MYRFL: variants seen among roughly 807,000 people sequenced by gnomAD.
MYRFL encodes the protein myelin regulatory factor-like protein.
Under a neutral mutation model 109.4 loss-of-function variants are expected in MYRFL, and 88 were observed. The ratio of observed to expected loss-of-function variants is 0.80; its 90% CI spans 0.68 to 0.96. MYRFL has a LOEUF of 0.96. Among genes scored for constraint, MYRFL ranks in the 40% least tolerant of loss-of-function variants. The pLI is 0.00. For missense variants in MYRFL, 957 were observed against 954.9 expected (o/e 1.00, Z -0.03); for synonymous variants, 324 against 320.9 (o/e 1.01, Z -0.10).
intron 2 of MYRFL, among the ~76,000 whole-genome samples, chr12:69,860,399 G>A (rs535274705): frequency 7.9e-5 from 12 of 151,988 alleles, no homozygotes; most frequent in African/African-American, 2.7e-4. Context: ...GAATAGTTTC[G>A]GCTCTCTTTT....
At chr12:69,933,914 T>C (rs1475880308) in intron 16 of MYRFL, among the ~76,000 whole-genome samples, 1 of 152,116 alleles carries the variant, frequency 6.6e-6, no homozygotes. Flanking sequence ...ACTAAGACTG[T>C]AGATGGTAGG....
At chr12:69,916,831 A>G (rs1043516811) in intron 13 of MYRFL, among the ~76,000 whole-genome samples, 3 of 152,026 alleles carry the variant, frequency 2.0e-5, no homozygotes, top group African/African-American at 7.2e-5. Flanking sequence ...AAAATATTTC[A>G]TTTTCTCAAA....
At chr12:69,958,173 C>G in intron 23 of MYRFL, 76 bp from the exon 24 acceptor site, 1 of 1,320,940 alleles carries the variant, frequency 7.6e-7, no homozygotes, top group Non-Finnish European at 1.0e-6. Context: ...TGAGGAAATG[C>G]TTTTTCAGCC....
At chr12:69,853,538 C>T (rs1240248) in intron 1 of MYRFL, among the ~76,000 whole-genome samples, 35,684 of 148,406 alleles carry the variant, frequency 0.24, 4,743 homozygotes, top group Middle Eastern at 0.38. Flanking sequence ...CAGAGGCGCT[C>T]CCCACATCTC....
chr12:69,860,994 A>C (rs961346685), intron 2 of MYRFL, among the ~76,000 whole-genome samples: 1 of 145,820 alleles, frequency 6.9e-6, no homozygotes, highest in Non-Finnish European at 1.5e-5. Flanking sequence ...GAGAATATGC[A>C]GTGTTTGGTT....
rs77062917 is a variant in MYRFL, at chr12:69,906,093, T to G, written c.1383+2249T>G. Among the ~76,000 whole-genome samples, 913 of 152,354 alleles carry G rather than the reference T, an allele frequency of 6.0e-3. 7 individuals are homozygous for G. The highest frequency in any genetic ancestry group is 0.021 in the African/African-American group (867 of 41,584). On this transcript the variant is annotated intron_variant, in intron 11 of 24. Coordinates refer to ENST00000552032, the MANE Select transcript of MYRFL (RefSeq NM_182530.3). The stretch of plus-strand genomic sequence containing the variant: ...TGCTACAAAATGTAGTGGTCAAATA[T>G]GTTACCTAATACTACAATTGGGGAA...
chr12:69,911,677 T>C (rs1192390089), intron 13 of MYRFL, among the ~76,000 whole-genome samples: 1 of 152,228 alleles, frequency 6.6e-6, no homozygotes, highest in African/African-American at 2.4e-5. Context: ...TATCTATTGA[T>C]TCTATGAAAT....
intron 10 of MYRFL, among the ~76,000 whole-genome samples, chr12:69,900,593 G>GTCCTTTTTC (rs1177047754): frequency 1.8e-4 from 27 of 152,290 alleles, no homozygotes; most frequent in Non-Finnish European, 3.1e-4. Flanking sequence ...CACCAGCAGA[G>GTCCTTTTTC]AGTATTTCTA....
intron 13 of MYRFL, among the ~76,000 whole-genome samples, chr12:69,922,246 C>T (rs760852592): frequency 6.6e-6 from 1 of 151,990 alleles, no homozygotes; most frequent in Non-Finnish European, 1.5e-5. Context: ...ATAAGGCTCT[C>T]TACAGGGTAA....
intron 13 of MYRFL, among the ~76,000 whole-genome samples, chr12:69,923,521 A>ATATC (rs1299453773): frequency 6.6e-6 from 1 of 152,102 alleles, no homozygotes; most frequent in Non-Finnish European, 1.5e-5. Context: ...TTTTATGTTT[A>ATATC]TATCTCTTTT....
At chr12:69,906,854 G>T (rs919517182) in intron 11 of MYRFL, among the ~76,000 whole-genome samples, 1 of 152,218 alleles carries the variant, frequency 6.6e-6, no homozygotes, top group African/African-American at 2.4e-5. Context: ...GGAAGGTGTT[G>T]TCTGTGATGC....
intron 11 of MYRFL, 59 bp from the exon 12 acceptor site, chr12:69,909,910 A>G: frequency 1.7e-6 from 2 of 1,200,640 alleles, no homozygotes; most frequent in Non-Finnish European, 2.3e-6. Context: ...CACTCTGGGC[A>G]TTAATTTGAA....
intron 13 of MYRFL, among the ~76,000 whole-genome samples, chr12:69,920,932 A>C (rs1169298063): frequency 6.6e-6 from 1 of 152,232 alleles, no homozygotes; most frequent in Non-Finnish European, 1.5e-5. Context: ...TCAAACAGTG[A>C]GTAAAAGTTT....
intron 2 of MYRFL, among the ~76,000 whole-genome samples, chr12:69,864,636 T>TAC (rs889705175): frequency 9.3e-4 from 73 of 78,396 alleles, no homozygotes; most frequent in African/African-American, 3.3e-3. Context: ...TCAAGGAAGT[T>TAC]ACACACACAC....
chr12:69,890,021 A>G (rs1886702962), intron 6 of MYRFL, among the ~76,000 whole-genome samples: 1 of 152,184 alleles, frequency 6.6e-6, no homozygotes, highest in Admixed American at 6.5e-5. Context: ...CTTTCTGCAG[A>G]AGTAACCACC....
chr12:69,853,768 C>T lies in MYRFL; in HGVS notation c.47-1512C>T, dbSNP rs1172955764. Among the ~76,000 whole-genome samples, 4 of 149,714 alleles carry T rather than the reference C, an allele frequency of 2.7e-5. No individual in the cohort carries two copies. In the East Asian group the frequency reaches 8.1e-4, roughly 30 times the overall value. On this transcript the variant is annotated intron_variant, in intron 1 of 24. Coordinates refer to ENST00000552032, the MANE Select transcript of MYRFL (RefSeq NM_182530.3). The stretch of plus-strand genomic sequence containing the variant: ...CAGACTGGGCGGCGGGGCAGAGGGG[C>T]TCCTCACATCCCAGACGATGGTTGG...
chr12:69,889,626 C>T (rs1308308828), intron 6 of MYRFL, among the ~76,000 whole-genome samples: 4 of 152,150 alleles, frequency 2.6e-5, no homozygotes, highest in Middle Eastern at 3.4e-3. Flanking sequence ...AGGCCAAGGC[C>T]GCAGATCACC....
At chr12:69,934,595 T>C (rs151337529) in intron 16 of MYRFL, among the ~76,000 whole-genome samples, 5 of 152,178 alleles carry the variant, frequency 3.3e-5, no homozygotes, top group Admixed American at 3.3e-4. Context: ...GTCACACTGA[T>C]GATTGATTGA....
chr12:69,887,755 A>G (rs1158599392), intron 6 of MYRFL, among the ~76,000 whole-genome samples: 1 of 152,200 alleles, frequency 6.6e-6, no homozygotes, highest in Non-Finnish European at 1.5e-5. Context: ...GGGAAGAAAT[A>G]TTTTCCTTAA....
Sources: gnomAD v4.1 joint callset for allele counts (sites outside exome capture counted in the v4.1 genomes callset) on GRCh38, gnomAD v4.1.1 for gene constraint, MANE v1.5 for transcripts, NCBI Gene and HGNC (gene_info 2026-07-23, HGNC 2026-07-21) for gene names.